Variants in RHEB observed in about 807,000 individuals in gnomAD.
RHEB encodes Ras homolog, mTORC1 binding.
A neutral mutation model predicts 28.8 loss-of-function variants in RHEB; 2 were observed. The observed-to-expected ratio is 0.07, with a 90% confidence interval of 0.03 to 0.22. RHEB has a LOEUF of 0.22. Ranked by LOEUF, RHEB falls within the 10% of genes least tolerant of loss-of-function variation. RHEB has a pLI of 1.00. For missense variants in RHEB, 76 were observed against 219.9 expected, an observed-to-expected ratio of 0.35 and a Z score of 4.14; for synonymous variants, 69 against 77.3, an observed-to-expected ratio of 0.89 and a Z score of 0.56.
intron 1 of RHEB, among the ~76,000 whole-genome samples, chr7:151,517,690 CAAAA>C (rs554116118): frequency 6.5e-5 from 5 of 76,790 alleles, no homozygotes; most frequent in African/African-American, 8.6e-5. Flanking sequence ...CTTCTGTAGC[CAAAA>C]AAAAAAAAAA....
intron 1 of RHEB, among the ~76,000 whole-genome samples, chr7:151,511,847 C>A (rs1323885050): frequency 6.6e-6 from 1 of 152,112 alleles, no homozygotes; most frequent in African/African-American, 2.4e-5. Context: ...GACAGGGTTT[C>A]GCCAGGTTGG....
At chr7:151,479,961 CA>C (rs1802353390) in intron 3 of RHEB, among the ~76,000 whole-genome samples, 1 of 152,174 alleles carries the variant, frequency 6.6e-6, no homozygotes, top group South Asian at 2.1e-4. Context: ...TAGGAAAAAT[CA>C]AAGCCCCTCC....
rs1269511665 is a variant in RHEB, at chr7:151,480,402, C to CA, written c.193-2988dup. 2.0e-5 allele frequency among the ~76,000 whole-genome samples: 3 copies of CA among 147,112 alleles called. No individual in the cohort carries two copies. In the East Asian group the frequency reaches 6.0e-4, roughly 30 times the overall value. Reference sequence around the variant, plus strand: ...CTTTTTGTGTAAAAAGGAAAAAAAACAAAACAAAACCCAAGCTTAAAACTA... The same window carrying CA: ...CTTTTTGTGTAAAAAGGAAAAAAAACAAAAACAAAACCCAAGCTTAAAACTA... On this transcript the variant is annotated intron_variant, in intron 3 of 7. Coordinates refer to ENST00000262187, the MANE Select transcript of RHEB (RefSeq NM_005614.4).
chr7:151,516,669 T>C (rs1426311619), intron 1 of RHEB, among the ~76,000 whole-genome samples: 1 of 135,008 alleles, frequency 7.4e-6, no homozygotes, highest in Non-Finnish European at 1.6e-5. Context: ...TAAACAAACA[T>C]AGCACTTTTT....
intron 2 of RHEB, among the ~76,000 whole-genome samples, chr7:151,485,752 T>C (rs1382861468): frequency 6.6e-6 from 1 of 152,188 alleles, no homozygotes; most frequent in African/African-American, 2.4e-5. Context: ...TCAGAGATCT[T>C]ATCTGAGTTA....
Position 151,500,690 on chromosome 7 carries a change from T to A in RHEB, c.53-9676A>T, listed in dbSNP as rs147631618. On this transcript the variant is annotated intron_variant, in intron 1 of 7. Transcript: ENST00000262187. Reference sequence around the variant, plus strand: ...AAGACCAGTCTCTACAAAAAATTTTTAAAATAAAAACAGAAGAGAGAGAAG... The same window carrying A: ...AAGACCAGTCTCTACAAAAAATTTTAAAAATAAAAACAGAAGAGAGAGAAG... 5.8e-3 allele frequency among the ~76,000 whole-genome samples: 879 copies of A among 152,180 alleles called. 5 individuals are homozygous for A. The highest frequency in any genetic ancestry group is 0.02 in the African/African-American group (828 of 41,506).
At chr7:151,512,075 T>C (rs1202476403) in intron 1 of RHEB, among the ~76,000 whole-genome samples, 2 of 152,212 alleles carry the variant, frequency 1.3e-5, no homozygotes, top group Non-Finnish European at 2.9e-5. Flanking sequence ...TAAGATTTCA[T>C]TTGGTACTTC....
At chr7:151,508,634 G>GT (rs35707066) in intron 1 of RHEB, among the ~76,000 whole-genome samples, 60,881 of 142,754 alleles carry the variant, frequency 0.43, 14,091 homozygotes, top group South Asian at 0.6. Context: ...TATATTTTTA[G>GT]TTTTTTTTTT....
chr7:151,478,202 A>T (rs898340447), intron 3 of RHEB, among the ~76,000 whole-genome samples: 1 of 152,230 alleles, frequency 6.6e-6, no homozygotes, highest in Non-Finnish European at 1.5e-5. Flanking sequence ...TCTGGTACGA[A>T]CGTTTCATTC....
intron 1 of RHEB, among the ~76,000 whole-genome samples, chr7:151,493,170 A>G (rs1802615122): frequency 6.6e-6 from 1 of 152,056 alleles, no homozygotes; most frequent in Non-Finnish European, 1.5e-5. Flanking sequence ...CGTGGCCCAC[A>G]AACACCAGGC....
chr7:151,471,418 T>C lies in RHEB; in HGVS notation c.356A>G (p.Asn119Ser). The change falls in exon 6 of 8, where the codon AAT becomes AGT. Residue 119 changes from asparagine (N) to serine (S), a missense_variant. Asn to Ser is a conservative substitution (Grantham distance 46, BLOSUM62 1). Transcript: ENST00000262187. ...CCTTTCCATATGCAGGTCTTTCTTA[T>C]TCCCAACCAACATAATAGGTATTCT... Reference protein sequence around the residue: ...KVQIPIMLVGNKKDLHMERVI... With the variant: ...KVQIPIMLVGSKKDLHMERVI... 1 of 1,583,002 alleles carries C rather than the reference T, an allele frequency of 6.3e-7. No homozygotes were observed. The highest frequency in any genetic ancestry group is 8.7e-7 in the Non-Finnish European group (1 of 1,153,618).
At chr7:151,467,773 G>A (rs1000319583) in intron 7 of RHEB, among the ~76,000 whole-genome samples, 4 of 151,982 alleles carry the variant, frequency 2.6e-5, no homozygotes, top group Non-Finnish European at 5.9e-5. Flanking sequence ...TCTCCTGCCC[G>A]TCTTCCTGCC....
rs745538266 is a variant in RHEB, at chr7:151,467,223, A to C, written c.463-12T>G. ...ACATCCACAGCAGTCTGAAAAGAGA[A>C]AGAAACCCAATCACAGTGTTAGTGT... On this transcript the variant is annotated splice_polypyrimidine_tract_variant and intron_variant, in intron 7 of 7. Transcript: ENST00000262187. 6.3e-7 allele frequency: 1 copy of C among 1,592,916 alleles called. No homozygotes were observed.
At chr7:151,511,433 G>A (rs1018814957) in intron 1 of RHEB, among the ~76,000 whole-genome samples, 5 of 152,106 alleles carry the variant, frequency 3.3e-5, no homozygotes, top group Admixed American at 6.5e-5. Flanking sequence ...ATGACACTTC[G>A]GAGTGAATTC....
At chr7:151,474,473 G>A (rs552042435) in intron 4 of RHEB, among the ~76,000 whole-genome samples, 21 of 152,216 alleles carry the variant, frequency 1.4e-4, no homozygotes, top group South Asian at 4.2e-4. Context: ...GGGCCACTGC[G>A]CCTGGCCCTT....
chr7:151,509,018 A>G (rs1802937957), intron 1 of RHEB, among the ~76,000 whole-genome samples: 1 of 152,200 alleles, frequency 6.6e-6, no homozygotes, highest in South Asian at 2.1e-4. Flanking sequence ...AAACATATTC[A>G]CACATTTTTG....
intron 1 of RHEB, among the ~76,000 whole-genome samples, chr7:151,517,369 GGAA>G (rs766674512): frequency 2.3e-4 from 12 of 52,068 alleles, no homozygotes; most frequent in Non-Finnish European, 2.4e-4. Context: ...ACTCCGTCTC[GGAA>G]AAAAAAAAAA....
At chr7:151,513,728 A>G (rs528142644) in intron 1 of RHEB, among the ~76,000 whole-genome samples, 1 of 152,356 alleles carries the variant, frequency 6.6e-6, no homozygotes, top group South Asian at 2.1e-4. Context: ...ATCAAAGAAT[A>G]TTCAACTACC....
intron 4 of RHEB, 126 bp downstream of exon 4, chr7:151,477,207 A>T: frequency 1.4e-6 from 1 of 691,282 alleles, no homozygotes; most frequent in South Asian, 1.8e-5. Flanking sequence ...CCACGAGAAA[A>T]TCACTAAAAA....
Sources: gnomAD v4.1 joint callset for allele counts (sites outside exome capture counted in the v4.1 genomes callset) on GRCh38, gnomAD v4.1.1 for gene constraint, MANE v1.5 for transcripts, NCBI Gene and HGNC (gene_info 2026-07-23, HGNC 2026-07-21) for gene names.